SCNN1A: variants seen among roughly 807,000 people sequenced by gnomAD.
SCNN1A encodes epithelial sodium channel subunit alpha.
SCNN1A carries 65 observed loss-of-function variants against 68.6 expected under a neutral mutation model. The ratio of observed to expected loss-of-function variants is 0.95; its 90% CI spans 0.78 to 1.16. The LOEUF (loss-of-function observed/expected upper bound fraction) is 1.16, where lower values mean the gene tolerates loss of function less well. SCNN1A is among the 50% of genes most tolerant of loss of function. The probability of loss-of-function intolerance (pLI) is 0.00; values close to 1 mark genes in which losing one functional copy is unlikely to be tolerated. For missense variants in SCNN1A, 880 were observed against 865.9 expected, an observed-to-expected ratio of 1.02 and a Z score of -0.20; for synonymous variants, 357 against 353.3, an observed-to-expected ratio of 1.01 and a Z score of -0.12.
chr12:6,349,312 G>A lies in SCNN1A; in HGVS notation c.1439+15C>T, dbSNP rs765560375. 55 of 1,613,506 alleles carry A rather than the reference G, an allele frequency of 3.4e-5. No homozygotes were observed. In the South Asian group the frequency reaches 5.3e-4, roughly 15 times the overall value. On this transcript the variant is annotated intron_variant, in intron 9 of 12. Transcript: ENST00000228916. ...GTATTCTACCCAACCTGTACCCGGGGAAGGGGACACTAACCTGCATGGCTT... is the reference window on the plus strand; with the variant it reads ...GTATTCTACCCAACCTGTACCCGGGAAAGGGGACACTAACCTGCATGGCTT...
chr12:6,358,506 T>C (rs574862487), intron 4 of SCNN1A, among the ~76,000 whole-genome samples: 1 of 152,282 alleles, frequency 6.6e-6, no homozygotes, highest in South Asian at 2.1e-4. Flanking sequence ...CATAGCAGCA[T>C]TAATCATAAC....
chr12:6,352,294 CTAAG>C (rs1320302531), intron 8 of SCNN1A, among the ~76,000 whole-genome samples: 1 of 152,064 alleles, frequency 6.6e-6, no homozygotes, highest in Non-Finnish European at 1.5e-5. Flanking sequence ...TTCCCAAATT[CTAAG>C]TAAGGTTATT....
chr12:6,348,594 C>T (rs777722976), intron 12 of SCNN1A, 133 bp downstream of exon 12: 1 of 889,658 alleles, frequency 1.1e-6, no homozygotes, highest in East Asian at 2.5e-5. Context: ...TCCCTTGACC[C>T]TCTTCTTTGG....
chr12:6,363,552 C>G lies in SCNN1A; in HGVS notation c.575G>C (p.Arg192Thr), dbSNP rs769803163. ...GTLPHPLQRLRVPPPPHGARR... is the reference protein window; with the variant it reads ...GTLPHPLQRLTVPPPPHGARR... ...GGCCCCGTGAGGCGGGGGCGGGACCCTCAGGCGCTGCAAGGGGTGCGGCAG... is the reference window on the plus strand; with the variant it reads ...GGCCCCGTGAGGCGGGGGCGGGACCGTCAGGCGCTGCAAGGGGTGCGGCAG... The change falls in exon 3 of 13, where the codon AGG becomes ACG. Residue 192 changes from arginine to threonine, a missense_variant. Physicochemically the swap from Arg to Thr is moderately conservative, Grantham distance 71 (BLOSUM62 -1). Around this residue, in one of 3 missense-constraint regions of SCNN1A, gnomAD observed 758 missense variants for 721.8 expected, o/e 1.05. Coordinates refer to ENST00000228916, the MANE Select transcript of SCNN1A (RefSeq NM_001038.6). 17 of 1,610,642 alleles carry G rather than the reference C, an allele frequency of 1.1e-5. No individual in the cohort carries two copies. In the South Asian group the frequency reaches 1.9e-4, roughly 18 times the overall value.
rs766136849 is a variant in SCNN1A at position 6,355,410 on chromosome 12, C to T, written c.1005G>A (p.Glu335=). The T allele has an allele frequency of 1.7e-5, 27 of 1,613,914 alleles. No individual in the cohort carries two copies. Among genetic ancestry groups the T allele is most frequent in the Middle Eastern group, 1.6e-4 (1 of 6,084 alleles). ...NNGLSLMLRA[E]QNDFIPLLST... ...ACAGCAGGGGAATGAAGTCATTCTG[C>T]TCTGCGCGCAGCATCAGGGACAGAC... is the stretch of plus-strand genomic sequence containing the variant. Residue 335 remains glutamate (E), a synonymous_variant, in exon 6 of 13, where the codon GAG becomes GAA. Coordinates refer to ENST00000228916, the MANE Select transcript of SCNN1A (RefSeq NM_001038.6).
At position 6,354,816 on chromosome 12, in the gene SCNN1A, G is replaced by T; in HGVS notation, c.1176C>A (p.Gly392=). The change falls in exon 7 of 13, where the codon GGC becomes GGA. Residue 392 remains glycine, a synonymous_variant. Transcript: ENST00000228916. ...CATCACTGCCATTCTTGGTGCAGTC[G>T]CCATAATCGCCCCCAAGTCTGTCCA... The part of the protein sequence containing the change: ...ETLDRLGGDY[G]DCTKNGSDVP... 6.2e-7 allele frequency: 1 copy of T among 1,613,810 alleles called. No individual in the cohort carries two copies. Among genetic ancestry groups the T allele is most frequent in the Non-Finnish European group, 8.5e-7 (1 of 1,179,910 alleles).
intron 2 of SCNN1A, among the ~76,000 whole-genome samples, chr12:6,370,051 C>A (rs1307415270): frequency 6.6e-6 from 1 of 152,210 alleles, no homozygotes; most frequent in Non-Finnish European, 1.5e-5. Context: ...GACAGTCCAG[C>A]CCTTCTGGCC....
chr12:6,347,875 A>T lies in SCNN1A; in HGVS notation c.2008T>A (p.Ter670ArgextTer158). 1 of 1,601,256 alleles carries T rather than the reference A, an allele frequency of 6.2e-7. No homozygotes were observed. The highest frequency in any genetic ancestry group is 8.5e-7 in the Non-Finnish European group (1 of 1,174,138). The change falls in exon 13 of 13, where the codon TGA becomes AGA. Residue 670 changes from the stop codon to arginine, a stop_lost. Coordinates refer to ENST00000228916, the MANE Select transcript of SCNN1A (RefSeq NM_001038.6). ...TGTGAGAAACCTCTCCTTCCCTCTCAGGGCCCCCCCAGAGGACAGGTGGAG... is the reference window on the plus strand; with the variant it reads ...TGTGAGAAACCTCTCCTTCCCTCTCTGGGCCCCCCCAGAGGACAGGTGGAG... ...SSSTCPLGGP[*>R]
At chr12:6,371,343 A>T (rs1948786271) in intron 2 of SCNN1A, among the ~76,000 whole-genome samples, 1 of 151,474 alleles carries the variant, frequency 6.6e-6, no homozygotes, top group Non-Finnish European at 1.5e-5. Flanking sequence ...CGCCTGACAA[A>T]TTGTCCTCCA....
chr12:6,363,719 G>A lies in SCNN1A; in HGVS notation c.417-9C>T, dbSNP rs575466986. On this transcript the variant is annotated splice_polypyrimidine_tract_variant and intron_variant, in intron 2 of 12. Transcript: ENST00000228916. Reference sequence around the variant, plus strand: ...CTTTAATTTCCGGGTACCTGAAGGGGCGAGGGGAAGAGGGTCAGGCCAGGG... The same window carrying A: ...CTTTAATTTCCGGGTACCTGAAGGGACGAGGGGAAGAGGGTCAGGCCAGGG... 9.4e-6 allele frequency: 15 copies of A among 1,593,684 alleles called. 1 individual carries two copies. In the African/African-American group the frequency reaches 1.5e-4, roughly 16 times the overall value.
intron 2 of SCNN1A, among the ~76,000 whole-genome samples, chr12:6,366,893 T>C (rs1948689166): frequency 6.6e-6 from 1 of 152,140 alleles, no homozygotes; most frequent in Non-Finnish European, 1.5e-5. Flanking sequence ...AAAGGTGTGT[T>C]GAAGGTGTGT....
Position 6,347,933 on chromosome 12 carries a change from G to T in SCNN1A, c.1950C>A (p.Arg650=). ...CCCCTGCAGAGCCCCCTGGAGATGG[G>T]CGGGGGCCCAGGGTGGCATAGGCAG... ...PPPAYATLGP[R]PSPGGSAGAS... The change falls in exon 13 of 13, where the codon CGC becomes CGA. Residue 650 remains arginine (R), a synonymous_variant. Transcript: ENST00000228916. The T allele has an allele frequency of 6.3e-7, 1 of 1,585,836 alleles. No individual in the cohort carries two copies. Among genetic ancestry groups the T allele is most frequent in the East Asian group, 2.3e-5 (1 of 43,942 alleles).
At chr12:6,362,687 TC>T in intron 3 of SCNN1A, among the ~76,000 whole-genome samples, 1 of 151,760 alleles carries the variant, frequency 6.6e-6, no homozygotes, top group South Asian at 2.1e-4. Context: ...CTCCTTTCTT[TC>T]TTTTTTTTTG....
At chr12:6,357,725 C>T (rs777399376) in intron 4 of SCNN1A, among the ~76,000 whole-genome samples, 15 of 152,040 alleles carry the variant, frequency 9.9e-5, no homozygotes, top group Non-Finnish European at 2.1e-4. Context: ...CAGCCAGGCG[C>T]AGTGGCTGAC....
At chr12:6,363,356 G>A (rs1565482513) in intron 3 of SCNN1A, 87 bp downstream of exon 3, 4 of 1,207,138 alleles carry the variant, frequency 3.3e-6, no homozygotes, top group Non-Finnish European at 4.4e-6. Context: ...CTGCGCGGGC[G>A]GGTCAGGAAA....
At chr12:6,368,628 G>A (rs1047257819) in intron 2 of SCNN1A, among the ~76,000 whole-genome samples, 9 of 152,196 alleles carry the variant, frequency 5.9e-5, no homozygotes, top group Admixed American at 5.9e-4. Context: ...AAAAACCTGA[G>A]GCATGATGAC....
At chr12:6,369,363 G>A (rs879751341) in intron 2 of SCNN1A, among the ~76,000 whole-genome samples, 7 of 122,288 alleles carry the variant, frequency 5.7e-5, no homozygotes, top group Non-Finnish European at 1.2e-4. Context: ...GCCACCCTAC[G>A]CGCCTCCCTC....
chr12:6,359,971 A>C (rs1948557104), intron 4 of SCNN1A, among the ~76,000 whole-genome samples: 2 of 151,980 alleles, frequency 1.3e-5, no homozygotes, highest in African/African-American at 4.8e-5. Flanking sequence ...GGGTTTCGCC[A>C]TGTTGGCCAG....
intron 8 of SCNN1A, chr12:6,349,808 G>C (rs1948344249): frequency 4.9e-6 from 1 of 206,130 alleles, no homozygotes; most frequent in Non-Finnish European, 1.0e-5. Context: ...CTCACTGCAA[G>C]CTCCGCCTCC....
Sources: gnomAD v4.1 joint callset for allele counts (sites outside exome capture counted in the v4.1 genomes callset) on GRCh38, gnomAD v4.1.1 for gene constraint, gnomAD v4.1.1 regional missense constraint, MANE v1.5 for transcripts, NCBI Gene and HGNC (gene_info 2026-07-23, HGNC 2026-07-21) for gene names.